The following XRN1 variants were observed in gnomAD, a reference collection of about 807,000 sequenced individuals.
XRN1 encodes strand-exchange protein 1 homolog.
A neutral mutation model predicts 222.3 loss-of-function variants in XRN1; 67 were observed. That is an observed-to-expected ratio of 0.30 (90% confidence interval 0.25 to 0.37). XRN1 has a LOEUF of 0.37. Ranked by LOEUF, XRN1 falls within the 10% of genes least tolerant of loss-of-function variation. XRN1 has a pLI of 1.00. For synonymous variants in XRN1, 643 were observed against 652.4 expected (o/e 0.99, Z 0.22); for missense variants, 1,707 against 2,000.2 (o/e 0.85, Z 2.80).
rs1377359707 is a variant in XRN1 at position 142,420,631 on chromosome 3, AAAGTG to A, written c.1173+380_1173+384del. Among the ~76,000 whole-genome samples the A allele has an allele frequency of 1.2e-3, 185 of 152,250 alleles. 1 individual carries two copies. Among genetic ancestry groups the A allele is most frequent in the Non-Finnish European group, 1.9e-3 (127 of 68,006 alleles). On this transcript the variant is annotated intron_variant, in intron 10 of 40. Coordinates refer to ENST00000392981, the MANE Select transcript of XRN1 (RefSeq NM_001282857.2). ...AGGTAATCCACCCATTTTGCCTCCCAAAGTGCTGGGATTACAGGTGTGAGCCACTG... is the reference window on the plus strand; with the variant it reads ...AGGTAATCCACCCATTTTGCCTCCCACTGGGATTACAGGTGTGAGCCACTG...
chr3:142,357,080 G>C lies in XRN1; in HGVS notation c.3504C>G (p.Ala1168=), dbSNP rs1372805018. The change falls in exon 31 of 41, where the codon GCC becomes GCG. Residue 1168 remains alanine (A), a synonymous_variant. Coordinates refer to ENST00000392981, the MANE Select transcript of XRN1 (RefSeq NM_001282857.2). ...GACTCCCATGAGAAAGGTTCACCAA[G>C]GCACTTGTTGGCAGTCGATAACCTC... ...PGRGYRLPTS[A]LVNLSHGSRS... The C allele has an allele frequency of 1.2e-6, 2 of 1,613,386 alleles. No individual in the cohort carries two copies. Among genetic ancestry groups the C allele is most frequent in the East Asian group, 4.5e-5 (2 of 44,776 alleles).
At position 142,371,284 on chromosome 3, in the gene XRN1, T is replaced by C. The variant is rs773911730; in HGVS notation, c.3023A>G (p.Asp1008Gly). 6.2e-7 allele frequency: 1 copy of C among 1,613,470 alleles called. No homozygotes were observed. Among genetic ancestry groups the C allele is most frequent in the Non-Finnish European group, 8.5e-7 (1 of 1,179,912 alleles). ...CCAAATGTCATCTTCATAGAACACA[T>C]CCTCTTGGCTATTTTTGGCTATATA... ...FSYIAKNSQE[D>G]VFYEDDIWPG... The change falls in exon 26 of 41, where the codon GAT (aspartate) becomes GGT (glycine). Residue 1008 changes from aspartate (D) to glycine (G), a missense_variant. Transcript: ENST00000392981.
intron 37 of XRN1, among the ~76,000 whole-genome samples, chr3:142,323,885 T>A (rs2065435178): frequency 6.6e-6 from 1 of 152,034 alleles, no homozygotes; most frequent in African/African-American, 2.4e-5. Flanking sequence ...TTGTTTCTAG[T>A]TTTATGAATA....
chr3:142,343,064 A>C (rs1429793087), intron 33 of XRN1, among the ~76,000 whole-genome samples: 1 of 152,200 alleles, frequency 6.6e-6, no homozygotes. Flanking sequence ...AAGGAGCTCA[A>C]ACAACTTTCT....
chr3:142,394,704 T>C (rs1214654297), intron 20 of XRN1, among the ~76,000 whole-genome samples: 1 of 152,248 alleles, frequency 6.6e-6, no homozygotes, highest in Non-Finnish European at 1.5e-5. Context: ...TCTTAGAATT[T>C]ATTGTTTTCT....
chr3:142,419,007 C>A lies in XRN1; in HGVS notation c.1174-126G>T, dbSNP rs61076760. On this transcript the variant is annotated intron_variant, in intron 10 of 40. Transcript: ENST00000392981. ...ATGTTATAACATCCTTCATATCCTG[C>A]CCATCTGTTTTTCCTCCCTTGTGAT... 18,083 of 844,470 alleles carry A rather than the reference C, an allele frequency of 0.021. 2,274 individuals carry two copies. In the African/African-American group the frequency reaches 0.27, roughly 13 times the overall value. 52.3% of individuals were successfully genotyped at this position (844,470 alleles called of 1,614,324 possible). A position where few individuals can be genotyped will look rare whatever the true frequency, so the allele number is the denominator to read the frequency against.
At chr3:142,339,512 C>T (rs890213553) in intron 33 of XRN1, among the ~76,000 whole-genome samples, 8 of 152,286 alleles carry the variant, frequency 5.3e-5, no homozygotes, top group African/African-American at 1.9e-4. Flanking sequence ...CTCTTTAATC[C>T]CCAGACACCA....
At chr3:142,324,923 T>C (rs553390756) in intron 37 of XRN1, among the ~76,000 whole-genome samples, 29 of 152,312 alleles carry the variant, frequency 1.9e-4, no homozygotes, top group Non-Finnish European at 4.1e-4. Flanking sequence ...TTGAGAAGTG[T>C]GTATATATAT....
At chr3:142,410,358 GA>G (rs1268935715) in intron 15 of XRN1, among the ~76,000 whole-genome samples, 1 of 151,410 alleles carries the variant, frequency 6.6e-6, no homozygotes, top group Admixed American at 6.6e-5. Flanking sequence ...GTGGAAGGTG[GA>G]AAAAAAACTG....
chr3:142,347,470 A>T, intron 32 of XRN1, 128 bp from the exon 33 acceptor site: 2 of 577,120 alleles, frequency 3.5e-6, no homozygotes, highest in Non-Finnish European at 5.5e-6. Flanking sequence ...AATACAGAAA[A>T]GTATAGAGAC....
intron 5 of XRN1, among the ~76,000 whole-genome samples, chr3:142,424,007 G>C (rs1383626523): frequency 6.6e-6 from 1 of 151,834 alleles, no homozygotes; most frequent in Non-Finnish European, 1.5e-5. Flanking sequence ...AAAGAATGCA[G>C]GACTCTTTTG....
rs57347012 is a variant in XRN1, at chr3:142,334,803, A to ACACAC, written c.3939+644_3939+645insGTGTG. On this transcript the variant is annotated intron_variant, in intron 34 of 40. Coordinates refer to ENST00000392981, the MANE Select transcript of XRN1 (RefSeq NM_001282857.2). ...ACACACACACACACACACACACACA[A>ACACAC]AAGACCATATATATTGGGAGCAACT... is the stretch of plus-strand genomic sequence containing the variant. 3.6e-3 allele frequency among the ~76,000 whole-genome samples: 479 copies of ACACAC among 134,298 alleles called. 6 individuals carry two copies. Among genetic ancestry groups the ACACAC allele is most frequent in the African/African-American group, 0.011 (369 of 34,218 alleles). The allele number at this position is 134,298 out of a possible 152,430, so 88.1% of individuals were successfully genotyped here.
chr3:142,355,490 T>C lies in XRN1; in HGVS notation c.3679A>G (p.Thr1227Ala), dbSNP rs1206875763. The change falls in exon 32 of 41, where the codon ACT becomes GCT. Residue 1227 changes from threonine (T) to alanine (A), a missense_variant. By Grantham distance (58) the Thr-to-Ala change is moderately conservative. Around this residue, in one of 2 missense-constraint regions of XRN1, gnomAD observed 1,234 missense variants for 1,518.2 expected, o/e 0.81. Transcript: ENST00000392981. Reference sequence around the variant, plus strand: ...TTGCAGAATTCATCATCATCTTTAGTAGGTACCTAGCAAAGTACAAACAAT... The same window carrying C: ...TTGCAGAATTCATCATCATCTTTAGCAGGTACCTAGCAAAGTACAAACAAT... Reference protein sequence around the residue: ...QSLFVPTQVPTKDDDEFCNIW... With the variant: ...QSLFVPTQVPAKDDDEFCNIW... 5 of 1,586,242 alleles carry C rather than the reference T, an allele frequency of 3.2e-6. No homozygotes were observed. The highest frequency in any genetic ancestry group is 4.3e-6 in the Non-Finnish European group (5 of 1,164,150).
chr3:142,319,907 TACACAC>T (rs113013809), intron 37 of XRN1, among the ~76,000 whole-genome samples: 22 of 148,906 alleles, frequency 1.5e-4, no homozygotes, highest in East Asian at 3.9e-4. Context: ...GGTGTGTGTA[TACACAC>T]ACACACACAC....
In XRN1 at chr3:142,403,717, T is replaced by G. The variant is rs2068233850; in HGVS notation, c.2060A>C (p.Asn687Thr). Residue 687 changes from asparagine to threonine, a missense_variant, in exon 18 of 41, where the codon AAC becomes ACC. Coordinates refer to ENST00000392981, the MANE Select transcript of XRN1 (RefSeq NM_001282857.2). The part of the protein sequence containing the change: ...QVFQQSSRGE[N>T]MMLEILVDAE... ...ATCCACTAAGATTTCCAACATCATG[T>G]TTTCTCCACGACTGCTTTGCTGGAA... The G allele has an allele frequency of 1.9e-6, 3 of 1,613,350 alleles. No individual in the cohort carries two copies. The highest frequency in any genetic ancestry group is 2.5e-6 in the Non-Finnish European group (3 of 1,179,614).
intron 25 of XRN1, 48 bp downstream of exon 25, chr3:142,375,750 T>C (rs778578071): frequency 6.6e-7 from 1 of 1,523,806 alleles, no homozygotes; most frequent in East Asian, 2.4e-5. Context: ...ATAAACAGTA[T>C]TTTCCTAAGA....
intron 37 of XRN1, among the ~76,000 whole-genome samples, chr3:142,322,975 C>T (rs145248862): frequency 1.8e-3 from 267 of 152,254 alleles, no homozygotes; most frequent in African/African-American, 6.2e-3. Context: ...TGCACTCCAG[C>T]CTGGGTGACA....
At chr3:142,422,947 T>C (rs2069100067) in intron 6 of XRN1, 25 bp from the exon 7 acceptor site, 1 of 1,552,162 alleles carries the variant, frequency 6.4e-7, no homozygotes, top group South Asian at 1.2e-5. Context: ...ATGATCAAGA[T>C]ACAGTGAATT....
intron 15 of XRN1, among the ~76,000 whole-genome samples, chr3:142,410,277 C>A (rs2068512928): frequency 6.6e-6 from 1 of 151,824 alleles, no homozygotes; most frequent in Non-Finnish European, 1.5e-5. Flanking sequence ...AGGATGTTTC[C>A]TGTTATCCTT....
Sources: gnomAD v4.1 joint callset for allele counts (sites outside exome capture counted in the v4.1 genomes callset) on GRCh38, gnomAD v4.1.1 for gene constraint, gnomAD v4.1.1 regional missense constraint, MANE v1.5 for transcripts, NCBI Gene and HGNC (gene_info 2026-07-23, HGNC 2026-07-21) for gene names.